MAP3K20: variants seen among roughly 807,000 people sequenced by gnomAD.
MAP3K20 encodes the protein HCCS-4.
Under a neutral mutation model 85.7 loss-of-function variants are expected in MAP3K20, and 40 were observed. The observed-to-expected ratio is 0.47, with a 90% CI of 0.36 to 0.61. The LOEUF is 0.61. Ranked by LOEUF, MAP3K20 falls within the 20% of genes least tolerant of loss-of-function variation. The probability of loss-of-function intolerance (pLI) is 0.00; values close to 1 mark genes in which losing one functional copy is unlikely to be tolerated. For synonymous variants in MAP3K20, 325 were observed against 327.7 expected (o/e 0.99, Z 0.09); for missense variants, 817 against 961.7 (o/e 0.85, Z 1.99).
chr2:173,089,000 T>A (rs1687218375), intron 1 of MAP3K20, among the ~76,000 whole-genome samples: 1 of 152,210 alleles, frequency 6.6e-6, no homozygotes, highest in South Asian at 2.1e-4. Flanking sequence ...GAGCAGCGTT[T>A]GACTTCATGT....
chr2:173,210,907 C>A (rs750286208), intron 10 of MAP3K20: 1 of 151,922 alleles, frequency 6.6e-6, no homozygotes, highest in Non-Finnish European at 1.5e-5. Context: ...ATTTTTATTC[C>A]TTTGAAATAT....
chr2:173,222,498 C>T lies in MAP3K20; in HGVS notation c.987+5248C>T, dbSNP rs77431903. ...TTTAAGGCTGTGCTTGTGCTTTATA[C>T]AAAGAGAAAGAGGTGGTCTTAAGGG... On this transcript the variant is annotated intron_variant, in intron 11 of 19. Transcript: ENST00000375213. The T allele has an allele frequency of 9.0e-3, 8,828 of 985,766 alleles. 54 individuals carry two copies. The highest frequency in any genetic ancestry group is 0.012 in the Middle Eastern group (23 of 1,914). The allele number at this position is 985,766 out of a possible 1,614,324, so 61.1% of individuals were successfully genotyped here. A position where few individuals can be genotyped will look rare whatever the true frequency, so the allele number is the denominator to read the frequency against.
Position 173,184,980 on chromosome 2 carries a change from G to A in MAP3K20, c.349+2025G>A, listed in dbSNP as rs1335219670. 4.6e-5 allele frequency among the ~76,000 whole-genome samples: 7 copies of A among 152,036 alleles called. No individual in the cohort carries two copies. The East Asian group carries it at 5.8e-4, about 13-fold the overall frequency. On this transcript the variant is annotated intron_variant, in intron 4 of 19. Coordinates refer to ENST00000375213, the MANE Select transcript of MAP3K20 (RefSeq NM_016653.3). ...GGAGAGGCCAGGCACGGTGGCTCAC[G>A]CCTATAATCCTAGCACTTTGGGAAG... is the stretch of plus-strand genomic sequence containing the variant.
intron 2 of MAP3K20, among the ~76,000 whole-genome samples, chr2:173,109,781 A>C (rs1343571437): frequency 1.3e-5 from 2 of 152,060 alleles, no homozygotes; most frequent in African/African-American, 4.8e-5. Flanking sequence ...AGTCTTCCTA[A>C]ATTTCTCACT....
At chr2:173,187,059 T>C (rs1195115811) in intron 4 of MAP3K20, among the ~76,000 whole-genome samples, 5 of 152,192 alleles carry the variant, frequency 3.3e-5, no homozygotes, top group African/African-American at 9.7e-5. Flanking sequence ...CTCCCAGGTC[T>C]TGTTGGAATG....
At chr2:173,128,924 T>TC (rs957374226) in intron 2 of MAP3K20, among the ~76,000 whole-genome samples, 9 of 146,074 alleles carry the variant, frequency 6.2e-5, no homozygotes, top group African/African-American at 1.8e-4. Context: ...ATCTTTTCTT[T>TC]TTTTTTTTTT....
At chr2:173,188,999 A>G (rs1690572637) in intron 5 of MAP3K20, among the ~76,000 whole-genome samples, 2 of 152,212 alleles carry the variant, frequency 1.3e-5, no homozygotes, top group Non-Finnish European at 1.5e-5. Context: ...TGAAGACTAT[A>G]TAACAATGGA....
At chr2:173,244,931 G>A (rs1430230199) in intron 16 of MAP3K20, among the ~76,000 whole-genome samples, 1 of 152,198 alleles carries the variant, frequency 6.6e-6, no homozygotes, top group African/African-American at 2.4e-5. Flanking sequence ...AGCTTTCCAA[G>A]AGAAAATTGG....
intron 4 of MAP3K20, among the ~76,000 whole-genome samples, chr2:173,183,996 G>C (rs191499660): frequency 8.7e-4 from 132 of 152,298 alleles, no homozygotes; most frequent in African/African-American, 3.0e-3. Context: ...TGCTGCTGCT[G>C]AATGATGCCT....
intron 1 of MAP3K20, among the ~76,000 whole-genome samples, chr2:173,084,354 C>T (rs1687089106): frequency 6.6e-6 from 1 of 151,534 alleles, no homozygotes; most frequent in South Asian, 2.1e-4. Flanking sequence ...AGGGGATGCT[C>T]CAGCACCCTA....
In MAP3K20 at chr2:173,209,688, C is replaced by A. The variant is rs557051977; in HGVS notation, c.745-41C>A. ...ACGTTTTCTCTTAAATATCTCCTTT[C>A]TTAAGTCCCAGCGAATGATTACTTA... On this transcript the variant is annotated intron_variant, in intron 9 of 19. Coordinates refer to ENST00000375213, the MANE Select transcript of MAP3K20 (RefSeq NM_016653.3). 1.7e-5 allele frequency: 26 copies of A among 1,544,038 alleles called. No homozygotes were observed. The Admixed American group carries it at 4.4e-4, about 26-fold the overall frequency.
intron 2 of MAP3K20, among the ~76,000 whole-genome samples, chr2:173,139,083 C>T (rs943997708): frequency 2.6e-5 from 4 of 152,152 alleles, no homozygotes; most frequent in Admixed American, 6.5e-5. Context: ...TAATATTACT[C>T]AGTGCTTTGC....
chr2:173,160,865 G>T (rs933672822), intron 2 of MAP3K20, among the ~76,000 whole-genome samples: 6 of 152,120 alleles, frequency 3.9e-5, no homozygotes, highest in African/African-American at 1.4e-4. Context: ...GTGCAATGTG[G>T]CCCCACTACT....
chr2:173,106,492 A>C (rs1379634344), intron 2 of MAP3K20, among the ~76,000 whole-genome samples: 1 of 152,194 alleles, frequency 6.6e-6, no homozygotes, highest in Non-Finnish European at 1.5e-5. Flanking sequence ...ATATTGAAAA[A>C]ATTGAGAACC....
At chr2:173,256,941 C>T (rs1685175840) in intron 16 of MAP3K20, among the ~76,000 whole-genome samples, 1 of 152,060 alleles carries the variant, frequency 6.6e-6, no homozygotes, top group Non-Finnish European at 1.5e-5. Context: ...CACTTGAGCC[C>T]AGGAATTTGA....
chr2:173,240,254 C>T (rs377390620), intron 16 of MAP3K20, among the ~76,000 whole-genome samples: 12 of 152,098 alleles, frequency 7.9e-5, no homozygotes, highest in Non-Finnish European at 1.5e-4. Context: ...GTCTCAGAAC[C>T]GAAGTTCTTA....
At chr2:173,099,820 C>CTA (rs1420148224) in intron 2 of MAP3K20, among the ~76,000 whole-genome samples, 1 of 152,212 alleles carries the variant, frequency 6.6e-6, no homozygotes, top group African/African-American at 2.4e-5. Flanking sequence ...TGTGAACATG[C>CTA]TATGTCTTCT....
intron 16 of MAP3K20, among the ~76,000 whole-genome samples, chr2:173,254,072 GA>G (rs10659041): frequency 3.0e-5 from 4 of 134,466 alleles, no homozygotes; most frequent in Non-Finnish European, 3.1e-5. Context: ...ACCTGTGTCA[GA>G]AAAAAAAAAA....
chr2:173,101,447 G>A (rs1041096575), intron 2 of MAP3K20, among the ~76,000 whole-genome samples: 1 of 152,272 alleles, frequency 6.6e-6, no homozygotes, highest in East Asian at 1.9e-4. Flanking sequence ...AGCATATTGA[G>A]CAATAAACAT....
Sources: allele counts gnomAD v4.1 joint callset (sites outside exome capture counted in the v4.1 genomes callset), GRCh38; gene constraint gnomAD v4.1.1; transcripts MANE v1.5; gene names NCBI Gene and HGNC (gene_info 2026-07-23, HGNC 2026-07-21).